Variants in IMMP2L observed in about 807,000 individuals in gnomAD.
IMMP2L encodes mitochondrial inner membrane protease subunit 2.
IMMP2L carries 18 observed loss-of-function variants against 19.3 expected under a neutral mutation model. The ratio of observed to expected loss-of-function variants is 0.93; its 90% CI spans 0.64 to 1.38. The LOEUF is 1.38. Ranked by LOEUF, IMMP2L falls within the 40% of genes most tolerant of loss-of-function variation. The pLI, the probability that IMMP2L is intolerant of heterozygous loss-of-function variation, is 0.00. For missense variants in IMMP2L, 233 were observed against 218.2 expected, an observed-to-expected ratio of 1.07 and a Z score of -0.43; for synonymous variants, 76 against 73.0, an observed-to-expected ratio of 1.04 and a Z score of -0.21.
chr7:110,982,189 T>C (rs1174338446), intron 3 of IMMP2L, among the ~76,000 whole-genome samples: 1 of 152,126 alleles, frequency 6.6e-6, no homozygotes, highest in African/African-American at 2.4e-5. Context: ...ATAATTCTCA[T>C]GTTTTCAAAA....
rs1326287005 is a variant in IMMP2L, at chr7:111,065,555, G to A, written c.240-101990C>T. The stretch of plus-strand genomic sequence containing the variant: ...CATTTGGGTCAGTGGGCTAGGAAAG[G>A]CAGACCCACTCTTAATTTGGATGGG... On this transcript the variant is annotated intron_variant, in intron 3 of 5. Coordinates refer to ENST00000405709, the MANE Select transcript of IMMP2L (RefSeq NM_032549.4). Among the ~76,000 whole-genome samples, 5 of 152,292 alleles carry A rather than the reference G, an allele frequency of 3.3e-5. No individual in the cohort carries two copies. The South Asian group carries it at 6.2e-4, about 19-fold the overall frequency.
At chr7:110,749,135 A>G (rs887405948) in intron 5 of IMMP2L, among the ~76,000 whole-genome samples, 1 of 152,226 alleles carries the variant, frequency 6.6e-6, no homozygotes, top group African/African-American at 2.4e-5. Context: ...ACCAACAAAC[A>G]TATGAAACAG....
At chr7:111,026,692 A>G (rs571828970) in intron 3 of IMMP2L, among the ~76,000 whole-genome samples, 2 of 152,294 alleles carry the variant, frequency 1.3e-5, no homozygotes, top group Non-Finnish European at 2.9e-5. Flanking sequence ...TAAATAAAAG[A>G]AATGGAATCA....
rs552366492 is a variant in IMMP2L, at chr7:111,419,750, A to G, written c.239+67488T>C. Among the ~76,000 whole-genome samples, 26 of 151,814 alleles carry G rather than the reference A, an allele frequency of 1.7e-4. 3 individuals are homozygous for G. Among genetic ancestry groups the G allele is most frequent in the African/African-American group, 6.1e-4 (25 of 41,172 alleles). ...CGTCAGGACCACCGGAGACCTTGTC[A>G]CAGGCACGTGTCCTCAGCCTTGGCA... On this transcript the variant is annotated intron_variant, in intron 3 of 5. Transcript: ENST00000405709.
At chr7:111,301,296 T>C (rs1822210673) in intron 3 of IMMP2L, among the ~76,000 whole-genome samples, 1 of 152,266 alleles carries the variant, frequency 6.6e-6, no homozygotes, top group East Asian at 1.9e-4. Flanking sequence ...TTGAATTGTT[T>C]ATTTTTTGCA....
intron 3 of IMMP2L, among the ~76,000 whole-genome samples, chr7:110,998,986 A>T (rs1554486402): frequency 6.6e-6 from 1 of 152,066 alleles, no homozygotes; most frequent in Non-Finnish European, 1.5e-5. Context: ...TCAGTCTGTC[A>T]TTTTTTGGAG....
intron 5 of IMMP2L, among the ~76,000 whole-genome samples, chr7:110,762,075 G>A (rs192097020): frequency 1.3e-5 from 2 of 152,116 alleles, no homozygotes; most frequent in East Asian, 1.9e-4. Context: ...AAAGAATCAC[G>A]GAACTTGGCA....
intron 5 of IMMP2L, among the ~76,000 whole-genome samples, chr7:110,700,670 C>G (rs1794219673): frequency 1.3e-5 from 2 of 152,184 alleles, no homozygotes; most frequent in Admixed American, 6.5e-5. Context: ...ATGGGTTTAC[C>G]TGAACTCTAA....
intron 3 of IMMP2L, among the ~76,000 whole-genome samples, chr7:111,365,884 GAC>G (rs1008800161): frequency 5.3e-5 from 8 of 151,960 alleles, no homozygotes; most frequent in African/African-American, 1.9e-4. Context: ...CTATCACAAA[GAC>G]TTAGAATTAT....
intron 5 of IMMP2L, among the ~76,000 whole-genome samples, chr7:110,756,694 T>G (rs923886042): frequency 6.6e-6 from 1 of 152,154 alleles, no homozygotes; most frequent in Non-Finnish European, 1.5e-5. Flanking sequence ...CTATTCTACA[T>G]GCCAACTGTT....
rs1563041268 is a variant in IMMP2L at position 110,870,843 on chromosome 7, A to G, written c.408+15750T>C. 6.6e-6 allele frequency among the ~76,000 whole-genome samples: 1 copy of G among 152,190 alleles called. No individual in the cohort carries two copies. The highest frequency in any genetic ancestry group is 6.5e-5 in the Admixed American group (1 of 15,276). ...AAAACTTAACGCTTTTAATTCTAAT[A>G]GCAACAGGAAGCCACTGAAGTGTTT... On this transcript the variant is annotated intron_variant, in intron 5 of 5. Transcript: ENST00000405709. The surrounding 1 kb of genome is among the most constrained non-coding windows in gnomAD (Gnocchi z 4.2).
intron 5 of IMMP2L, among the ~76,000 whole-genome samples, chr7:110,792,338 A>G (rs1800517139): frequency 6.6e-6 from 1 of 150,996 alleles, no homozygotes; most frequent in African/African-American, 2.5e-5. Flanking sequence ...AGTTGATACC[A>G]TTTTTTTCCC....
chr7:110,816,357 A>C (rs868485327), intron 5 of IMMP2L, among the ~76,000 whole-genome samples: 5 of 152,020 alleles, frequency 3.3e-5, no homozygotes, highest in African/African-American at 7.2e-5. Flanking sequence ...CTGTTCTTTT[A>C]CATTTGCTGA....
At chr7:111,073,294 AGAGC>A (rs1259195737) in intron 3 of IMMP2L, among the ~76,000 whole-genome samples, 4 of 152,164 alleles carry the variant, frequency 2.6e-5, no homozygotes, top group Non-Finnish European at 4.4e-5. Context: ...AGGAGGAGAG[AGAGC>A]AAGAATGAGA....
intron 3 of IMMP2L, among the ~76,000 whole-genome samples, chr7:111,349,738 G>T (rs1331300214): frequency 6.6e-6 from 1 of 152,008 alleles, no homozygotes; most frequent in Non-Finnish European, 1.5e-5. Context: ...AAAGGAAGGG[G>T]AGGCCAAAGA....
chr7:111,189,346 G>T (rs1418585458), intron 3 of IMMP2L, among the ~76,000 whole-genome samples: 1 of 145,718 alleles, frequency 6.9e-6, no homozygotes, highest in East Asian at 2.0e-4. Flanking sequence ...AGACATCAGT[G>T]CTTTCATGTC....
At chr7:111,100,414 AT>A (rs550434726) in intron 3 of IMMP2L, among the ~76,000 whole-genome samples, 132 of 148,262 alleles carry the variant, frequency 8.9e-4, no homozygotes, top group African/African-American at 3.1e-3. Flanking sequence ...CTTAAACTTT[AT>A]ATATAATAAA....
chr7:111,436,741 C>T (rs1297108607), intron 3 of IMMP2L, among the ~76,000 whole-genome samples: 1 of 151,816 alleles, frequency 6.6e-6, no homozygotes, highest in Non-Finnish European at 1.5e-5. Context: ...AAAGCAATAC[C>T]TCAGACTGGG....
intron 5 of IMMP2L, among the ~76,000 whole-genome samples, chr7:110,805,446 C>T (rs898808247): frequency 3.3e-5 from 5 of 152,078 alleles, no homozygotes; most frequent in Non-Finnish European, 5.9e-5. Flanking sequence ...GGTCCAACAT[C>T]CATGCATAAT....
Sources: allele counts gnomAD v4.1 joint callset (sites outside exome capture counted in the v4.1 genomes callset), GRCh38; gene constraint gnomAD v4.1.1; non-coding constraint Gnocchi (gnomAD v3.1); transcripts MANE v1.5; gene names NCBI Gene and HGNC (gene_info 2026-07-23, HGNC 2026-07-21).